DPY30: variants seen among roughly 807,000 people sequenced by gnomAD.
The protein encoded by DPY30 is protein dpy-30 homolog.
Under a neutral mutation model 16.2 loss-of-function variants are expected in DPY30, and 6 were observed. The ratio of observed to expected loss-of-function variants is 0.37; its 90% CI spans 0.20 to 0.73. The LOEUF (loss-of-function observed/expected upper bound fraction) is 0.73. Ranked by LOEUF, DPY30 falls within the 30% of genes least tolerant of loss-of-function variation. The pLI is 0.51. For synonymous variants in DPY30, 39 were observed against 38.8 expected, an observed-to-expected ratio of 1.00 and a Z score of -0.02; for missense variants, 73 against 113.1, an observed-to-expected ratio of 0.65 and a Z score of 1.61.
downstream of DPY30, among the ~76,000 whole-genome samples, chr2:32,021,389 T>C (rs981356454): frequency 2.7e-5 from 4 of 150,180 alleles, no homozygotes; most frequent in African/African-American, 9.8e-5. Flanking sequence ...CTTAAAGATT[T>C]TTGTCAGGCC....
chr2:32,034,368 G>A (rs1057101349), intron 3 of DPY30, among the ~76,000 whole-genome samples: 5 of 152,194 alleles, frequency 3.3e-5, no homozygotes, highest in Non-Finnish European at 7.3e-5. Context: ...GCAATGAATC[G>A]TGACAGAGAG....
At chr2:32,016,899 TTGAGACAGA>T (rs1675075959) in intron 5 of DPY30, among the ~76,000 whole-genome samples, 1 of 152,204 alleles carries the variant, frequency 6.6e-6, no homozygotes. Flanking sequence ...TGTTGTTTTT[TTGAGACAGA>T]GTGTCATTCT....
chr2:32,035,829 G>A (rs1675713478), intron 3 of DPY30, among the ~76,000 whole-genome samples: 1 of 150,632 alleles, frequency 6.6e-6, no homozygotes, highest in South Asian at 2.1e-4. Flanking sequence ...AGATACTTAG[G>A]AGGCTGAGAC....
At chr2:32,033,000 AAATAAT>A (rs140307669) in intron 3 of DPY30, among the ~76,000 whole-genome samples, 1 of 151,330 alleles carries the variant, frequency 6.6e-6, no homozygotes, top group African/African-American at 2.4e-5. Flanking sequence ...CATCTCAAAA[AAATAAT>A]AATAACTTTT....
intron 3 of DPY30, among the ~76,000 whole-genome samples, chr2:32,031,930 CA>C (rs34702054): frequency 0.22 from 31,196 of 144,344 alleles, 3,967 homozygotes; most frequent in East Asian, 0.46. Flanking sequence ...ATGAAAGAGA[CA>C]AAAAAAAAAG....
intron 3 of DPY30, among the ~76,000 whole-genome samples, chr2:32,031,886 C>G (rs1389149118): frequency 6.6e-6 from 1 of 150,844 alleles, no homozygotes; most frequent in Non-Finnish European, 1.5e-5. Context: ...GAGCGAGACT[C>G]TGTCTCAAAA....
intron 3 of DPY30, among the ~76,000 whole-genome samples, chr2:32,035,949 A>G (rs1028981409): frequency 1.3e-5 from 2 of 151,778 alleles, no homozygotes; most frequent in African/African-American, 2.4e-5. Context: ...AAAAAAAAAA[A>G]AAAAGAAAAA....
intron 3 of DPY30, among the ~76,000 whole-genome samples, chr2:32,038,409 AG>A (rs70964748): frequency 0.27 from 9,107 of 34,234 alleles, 958 homozygotes; most frequent in Middle Eastern, 0.39. Flanking sequence ...CCTTATTTTG[AG>A]GGGGGGGGGG....
At chr2:32,038,640 T>A (rs1675844084) in intron 3 of DPY30, among the ~76,000 whole-genome samples, 1 of 138,622 alleles carries the variant, frequency 7.2e-6, no homozygotes, top group Non-Finnish European at 1.5e-5. Flanking sequence ...CCTAATTTTA[T>A]TTTTTACTTT....
intron 3 of DPY30, among the ~76,000 whole-genome samples, chr2:32,033,162 A>T (rs1675606193): frequency 6.8e-6 from 1 of 147,702 alleles, no homozygotes; most frequent in African/African-American, 2.5e-5. Context: ...ACAAAAATTA[A>T]CCAGGCATGG....
At chr2:32,030,726 G>C (rs747707123) in intron 3 of DPY30, among the ~76,000 whole-genome samples, 5 of 151,996 alleles carry the variant, frequency 3.3e-5, no homozygotes, top group Admixed American at 6.6e-5. Flanking sequence ...TTGAGCCCAG[G>C]AGACGGAGGT....
At chr2:32,018,017 C>G (rs1172345149) in intron 5 of DPY30, among the ~76,000 whole-genome samples, 2 of 152,094 alleles carry the variant, frequency 1.3e-5, no homozygotes, top group Non-Finnish European at 2.9e-5. Flanking sequence ...AGAAAGTAGG[C>G]CCTCACTACA....
chr2:32,030,629 C>CAA (rs35489420), intron 3 of DPY30, among the ~76,000 whole-genome samples: 1,473 of 72,250 alleles, frequency 0.02, 21 homozygotes, highest in Middle Eastern at 0.13. Context: ...GACTCAGTCT[C>CAA]AAAAAAAAAA....
In DPY30 at chr2:32,038,127, T is replaced by TTTTC. The variant is rs1558594398; in HGVS notation, c.84+1148_84+1151dup. Among the ~76,000 whole-genome samples the TTTTC allele has an allele frequency of 4.9e-4, 64 of 131,596 alleles. 1 individual carries two copies. The highest frequency in any genetic ancestry group is 5.3e-4 in the East Asian group (2 of 3,760). The allele number at this position is 131,596 out of a possible 152,430, so 86.3% of individuals were successfully genotyped here. A position where few individuals can be genotyped will look rare whatever the true frequency, so the allele number is the denominator to read the frequency against. ...CAGTAGAATTAACTTGTATTGCTCA[T>TTTTC]TTTCTTTCTTTTTTTTTTTTTTTTT... On this transcript the variant is annotated intron_variant, in intron 3 of 4. Transcript: ENST00000342166.
intron 3 of DPY30, among the ~76,000 whole-genome samples, chr2:32,034,992 T>C (rs890545979): frequency 2.0e-5 from 3 of 149,552 alleles, no homozygotes; most frequent in South Asian, 2.1e-4. Flanking sequence ...CAAAACTCCA[T>C]CTCAAAAAAG....
chr2:32,037,076 A>T (rs1380659109), intron 3 of DPY30, among the ~76,000 whole-genome samples: 2 of 152,222 alleles, frequency 1.3e-5, no homozygotes, highest in Non-Finnish European at 2.9e-5. Context: ...TTCTAAAAAC[A>T]AGGGCAAAAT....
chr2:32,036,395 G>C (rs1011591015), intron 3 of DPY30, among the ~76,000 whole-genome samples: 6 of 152,046 alleles, frequency 3.9e-5, no homozygotes, highest in African/African-American at 1.2e-4. Context: ...AAACTGGCTG[G>C]GCGCGGTGGC....
At chr2:32,035,004 A>C (rs1174882350) in intron 3 of DPY30, among the ~76,000 whole-genome samples, 3 of 151,964 alleles carry the variant, frequency 2.0e-5, no homozygotes, top group Non-Finnish European at 4.4e-5. Flanking sequence ...TCAAAAAAGA[A>C]AAATAAAAAA....
At chr2:32,012,385 G>C (rs1674960544) in intron 5 of DPY30, among the ~76,000 whole-genome samples, 1 of 145,398 alleles carries the variant, frequency 6.9e-6, no homozygotes, top group African/African-American at 2.5e-5. Context: ...AAAAAAAATG[G>C]ACATACCATG....
Sources: gnomAD v4.1 joint callset for allele counts (sites outside exome capture counted in the v4.1 genomes callset) on GRCh38, gnomAD v4.1.1 for gene constraint, MANE v1.5 for transcripts, NCBI Gene and HGNC (gene_info 2026-07-23, HGNC 2026-07-21) for gene names.